WASHC4: variants seen among roughly 807,000 people sequenced by gnomAD.
The protein encoded by WASHC4 is WASH complex subunit 7.
A neutral mutation model predicts 166.6 loss-of-function variants in WASHC4; 86 were observed. That is an observed-to-expected ratio of 0.52 (90% confidence interval 0.43 to 0.62). The LOEUF (loss-of-function observed/expected upper bound fraction) is 0.62, where lower values mean the gene tolerates loss of function less well. Among genes scored for constraint, WASHC4 ranks in the 20% least tolerant of loss-of-function variants. The pLI, the probability that WASHC4 is intolerant of heterozygous loss-of-function variation, is 0.00. For synonymous variants in WASHC4, 446 were observed against 451.6 expected (o/e 0.99, Z 0.16); for missense variants, 1,262 against 1,382.4 (o/e 0.91, Z 1.38).
intron 15 of WASHC4, among the ~76,000 whole-genome samples, chr12:105,139,407 C>CTA (rs1324789848): frequency 7.6e-4 from 62 of 81,382 alleles, no homozygotes; most frequent in Non-Finnish European, 6.3e-4. Flanking sequence ...TATAGACAGA[C>CTA]TATATATATG....
intron 13 of WASHC4, among the ~76,000 whole-genome samples, chr12:105,132,803 TGTGTG>T (rs1881978447): frequency 6.6e-6 from 1 of 151,050 alleles, no homozygotes. Context: ...TGTGTGTGTG[TGTGTG>T]TGTGTGTGTG....
At chr12:105,159,927 A>G in intron 28 of WASHC4, 74 bp from the exon 29 acceptor site, 1 of 1,354,640 alleles carries the variant, frequency 7.4e-7, no homozygotes, top group Admixed American at 1.7e-5. Context: ...TCTTATCTAA[A>G]CTATTGAGAG....
chr12:105,143,713 A>G (rs1284329727), intron 20 of WASHC4, among the ~76,000 whole-genome samples: 1 of 152,032 alleles, frequency 6.6e-6, no homozygotes, highest in Non-Finnish European at 1.5e-5. Context: ...ATAAACACTG[A>G]TATCTTTAAA....
chr12:105,118,787 C>T (rs1484955800), intron 7 of WASHC4, among the ~76,000 whole-genome samples: 1 of 152,116 alleles, frequency 6.6e-6, no homozygotes, highest in East Asian at 1.9e-4. Flanking sequence ...AGAAGGCTAA[C>T]ATGGAATTAG....
chr12:105,139,425 G>GTGTGTGTGTGTGTGTGTGTA, intron 15 of WASHC4, among the ~76,000 whole-genome samples: 5 of 103,228 alleles, frequency 4.8e-5, no homozygotes, highest in Middle Eastern at 6.5e-3. Flanking sequence ...ATGTGTGTGT[G>GTGTGTGTGTGTGTGTGTGTA]TATATATATA....
At chr12:105,164,508 T>G (rs1169242970) in intron 31 of WASHC4, 133 bp from the exon 32 acceptor site, 7 of 822,360 alleles carry the variant, frequency 8.5e-6, no homozygotes, top group East Asian at 2.7e-5. Context: ...GTTACTTATT[T>G]CAGTTTCTGT....
chr12:105,138,048 G>T, intron 15 of WASHC4, 37 bp downstream of exon 15: 1 of 1,596,218 alleles, frequency 6.3e-7, no homozygotes, highest in South Asian at 1.1e-5. Context: ...CATCATAATT[G>T]AGAAATGACC....
intron 22 of WASHC4, among the ~76,000 whole-genome samples, chr12:105,146,066 A>G (rs1883267548): frequency 6.6e-6 from 1 of 152,148 alleles, no homozygotes; most frequent in Admixed American, 6.5e-5. Flanking sequence ...GAAAAATAGT[A>G]TGTATTTTAT....
chr12:105,146,295 T>G (rs1334941413), intron 22 of WASHC4, among the ~76,000 whole-genome samples, 157 bp from the exon 23 acceptor site: 1 of 152,140 alleles, frequency 6.6e-6, no homozygotes, highest in African/African-American at 2.4e-5. Flanking sequence ...TAGTCTTGAT[T>G]TGTCTTTTAA....
chr12:105,108,417 T>A (rs1372857546), intron 1 of WASHC4, among the ~76,000 whole-genome samples: 1 of 152,252 alleles, frequency 6.6e-6, no homozygotes, highest in East Asian at 1.9e-4. Flanking sequence ...CACGTGAATG[T>A]CATTTTATCA....
Position 105,152,337 on chromosome 12 carries a change from G to A in WASHC4, c.2650-6G>A. Reference sequence around the variant, plus strand: ...ATTAAAAGTAGCCTTAAAATTTTCTGTCTAGTATCCTTTTGATAGAGCAGA... The same window carrying A: ...ATTAAAAGTAGCCTTAAAATTTTCTATCTAGTATCCTTTTGATAGAGCAGA... On this transcript the variant is annotated splice_region_variant and splice_polypyrimidine_tract_variant and intron_variant, in intron 25 of 32. Transcript: ENST00000332180. The A allele has an allele frequency of 2.0e-6, 3 of 1,463,442 alleles. No homozygotes were observed. The highest frequency in any genetic ancestry group is 2.9e-6 in the Non-Finnish European group (3 of 1,043,576). The allele number at this position is 1,463,442 out of a possible 1,614,324, so 90.7% of individuals were successfully genotyped here.
chr12:105,141,813 AACTT>A (rs1882875235), intron 18 of WASHC4, among the ~76,000 whole-genome samples: 1 of 152,114 alleles, frequency 6.6e-6, no homozygotes, highest in Non-Finnish European at 1.5e-5. Flanking sequence ...TCATATTTAT[AACTT>A]ACTTTTTTGT....
intron 15 of WASHC4, among the ~76,000 whole-genome samples, chr12:105,139,009 T>C (rs1230988671): frequency 3.3e-5 from 5 of 152,200 alleles, no homozygotes; most frequent in African/African-American, 9.6e-5. Flanking sequence ...ATGTTTATCA[T>C]TCTCTTGTTT....
intron 4 of WASHC4, among the ~76,000 whole-genome samples, chr12:105,114,836 A>G (rs900931133): frequency 6.6e-6 from 1 of 152,046 alleles, no homozygotes; most frequent in African/African-American, 2.4e-5. Context: ...CCCAAGAACC[A>G]TTAAAAGTCT....
chr12:105,138,163 A>C, intron 15 of WASHC4, 152 bp downstream of exon 15: 1 of 640,850 alleles, frequency 1.6e-6, no homozygotes, highest in Non-Finnish European at 2.5e-6. Context: ...GGAACTAGCC[A>C]TTTAAATAAA....
At chr12:105,141,733 T>C (rs1170049201) in intron 18 of WASHC4, among the ~76,000 whole-genome samples, 1 of 152,184 alleles carries the variant, frequency 6.6e-6, no homozygotes, top group Non-Finnish European at 1.5e-5. Flanking sequence ...TAAGCGTAAA[T>C]TTCTTGAAGG....
chr12:105,149,116 G>A lies in WASHC4; in HGVS notation c.2515-499G>A, dbSNP rs527534407. On this transcript the variant is annotated intron_variant, in intron 24 of 32. Transcript: ENST00000332180. ...CCATGTCTAGCATGGGAGAAGGCAC[G>A]TTGCCTTGTGTGTAAGAGGTGATTA... 1.0e-4 allele frequency: 103 copies of A among 985,350 alleles called. No individual in the cohort carries two copies. The African/African-American group carries it at 1.8e-3, about 17-fold the overall frequency. 61.0% of individuals were successfully genotyped at this position (985,350 alleles called of 1,614,324 possible). A position where few individuals can be genotyped will look rare whatever the true frequency, so the allele number is the denominator to read the frequency against.
intron 9 of WASHC4, 135 bp downstream of exon 9, chr12:105,121,339 A>C (rs1428488346): frequency 6.0e-6 from 4 of 663,108 alleles, no homozygotes; most frequent in East Asian, 2.8e-5. Context: ...GCTCATATCA[A>C]ATATTTTTAT....
intron 26 of WASHC4, among the ~76,000 whole-genome samples, chr12:105,156,246 T>C (rs1884154372): frequency 6.6e-6 from 1 of 152,174 alleles, no homozygotes; most frequent in South Asian, 2.1e-4. Flanking sequence ...ATATGAAATA[T>C]AAAATTCTTA....
Sources: allele counts gnomAD v4.1 joint callset (sites outside exome capture counted in the v4.1 genomes callset), GRCh38; gene constraint gnomAD v4.1.1; transcripts MANE v1.5; gene names NCBI Gene and HGNC (gene_info 2026-07-23, HGNC 2026-07-21).